NMU: variants seen among roughly 807,000 people sequenced by gnomAD.
NMU encodes neuromedin-U.
NMU carries 29 observed loss-of-function variants against 35.4 expected under a neutral mutation model. The ratio of observed to expected loss-of-function variants is 0.82; its 90% confidence interval spans 0.61 to 1.12. NMU has a LOEUF of 1.12. Among genes scored for constraint, NMU ranks in the 50% most tolerant of loss-of-function variants. NMU has a pLI of 0.00. For synonymous variants in NMU, 78 were observed against 81.3 expected (o/e 0.96, Z 0.22); for missense variants, 199 against 206.2 (o/e 0.97, Z 0.21).
rs1452920831 is a variant in NMU, at chr4:55,636,066, G to A, written c.112+15C>T. 2.6e-6 allele frequency: 4 copies of A among 1,531,258 alleles called. No individual in the cohort carries two copies. The highest frequency in any genetic ancestry group is 3.9e-5 in the Admixed American group (2 of 50,872). 94.9% of individuals were successfully genotyped at this position (1,531,258 alleles called of 1,614,324 possible). On this transcript the variant is annotated intron_variant, in intron 1 of 9. Transcript: ENST00000264218. The surrounding 1 kb of genome is among the most constrained non-coding windows in gnomAD (Gnocchi z 4.0). Reference sequence around the variant, plus strand: ...GCGCATGGCGTGGAAGCGGCCGGGTGCGGGGCCGTCTTACCTCGGCAGGCG... The same window carrying A: ...GCGCATGGCGTGGAAGCGGCCGGGTACGGGGCCGTCTTACCTCGGCAGGCG...
intron 7 of NMU, among the ~76,000 whole-genome samples, chr4:55,604,679 A>ATATTTTTTTTTT (rs1553909885): frequency 3.8e-4 from 18 of 47,616 alleles, no homozygotes; most frequent in African/African-American, 2.1e-3. Context: ...TGCCTGGCTA[A>ATATTTTTTTTTT]TTTTTTTTTT....
At chr4:55,626,187 G>A (rs1311584775) in intron 2 of NMU, among the ~76,000 whole-genome samples, 2 of 152,210 alleles carry the variant, frequency 1.3e-5, no homozygotes, top group African/African-American at 4.8e-5. Flanking sequence ...CTAATAGGTA[G>A]AAAGTGACAC....
intron 3 of NMU, among the ~76,000 whole-genome samples, chr4:55,616,036 ACTGCACC>A (rs1734099365): frequency 6.6e-6 from 1 of 152,226 alleles, no homozygotes; most frequent in South Asian, 2.1e-4. Context: ...GGCATGAGCC[ACTGCACC>A]CTGACAGATA....
chr4:55,618,745 TTCTCTTTCTTTCTTCTC>T (rs1436024446), intron 2 of NMU, among the ~76,000 whole-genome samples: 96 of 128,770 alleles, frequency 7.5e-4, no homozygotes, highest in African/African-American at 2.5e-3. Context: ...TTTCTTTTTC[TTCTCTTTCTTTCTTCTC>T]TCTCTTTCTT....
intron 2 of NMU, among the ~76,000 whole-genome samples, chr4:55,629,123 T>C (rs1286476657): frequency 6.6e-6 from 1 of 152,200 alleles, no homozygotes. Context: ...TTTTATTGCA[T>C]TATAACTGGA....
At chr4:55,617,193 G>C (rs1246809104) in intron 2 of NMU, among the ~76,000 whole-genome samples, 1 of 152,108 alleles carries the variant, frequency 6.6e-6, no homozygotes, top group Non-Finnish European at 1.5e-5. Context: ...TTCAGTACCA[G>C]AATTCTTTTT....
chr4:55,629,780 G>A lies in NMU; in HGVS notation c.171+622C>T, dbSNP rs117196464. 3.9e-4 allele frequency among the ~76,000 whole-genome samples: 60 copies of A among 152,198 alleles called. No individual in the cohort carries two copies. The East Asian group carries it at 0.01, about 25-fold the overall frequency. ...ATCTGCTTTAACTGTCAGTTTTTGA[G>A]ACAGGTGTATTAAACTCTCCAACTA... On this transcript the variant is annotated intron_variant, in intron 2 of 9. Coordinates refer to ENST00000264218, the MANE Select transcript of NMU (RefSeq NM_006681.4).
At chr4:55,598,213 T>G (rs1200590943) in intron 9 of NMU, among the ~76,000 whole-genome samples, 1 of 149,312 alleles carries the variant, frequency 6.7e-6, no homozygotes, top group Non-Finnish European at 1.5e-5. Context: ...CATCTCAGCC[T>G]CTGAAGTAGC....
intron 7 of NMU, among the ~76,000 whole-genome samples, chr4:55,605,027 A>G (rs935598679): frequency 2.0e-5 from 3 of 152,170 alleles, no homozygotes; most frequent in Non-Finnish European, 1.5e-5. Context: ...GGAAAACAGT[A>G]TAATTCCAGC....
chr4:55,601,808 G>C (rs1733438621), intron 7 of NMU, among the ~76,000 whole-genome samples: 1 of 151,764 alleles, frequency 6.6e-6, no homozygotes, highest in South Asian at 2.1e-4. Flanking sequence ...GCAACATAGA[G>C]AGACCTAGTC....
At chr4:55,613,069 C>T (rs888739988) in intron 3 of NMU, among the ~76,000 whole-genome samples, 1 of 152,048 alleles carries the variant, frequency 6.6e-6, no homozygotes, top group African/African-American at 2.4e-5. Flanking sequence ...AACCAAATAC[C>T]ACACGTTCTC....
At chr4:55,633,646 G>C (rs1715733943) in intron 1 of NMU, among the ~76,000 whole-genome samples, 1 of 152,146 alleles carries the variant, frequency 6.6e-6, no homozygotes, top group Non-Finnish European at 1.5e-5. Flanking sequence ...ATAATAACTT[G>C]TATATCCGTA....
Position 55,597,334 on chromosome 4 carries a change from TTTC to T in NMU, c.*4+1805_*4+1807del, listed in dbSNP as rs916699168. 1.9e-4 allele frequency among the ~76,000 whole-genome samples: 29 copies of T among 151,634 alleles called. 1 individual carries two copies. Among genetic ancestry groups the T allele is most frequent in the African/African-American group, 6.0e-4 (25 of 41,476 alleles). ...TATATTGTGGGTATAGTTTCTTTTT[TTTC>T]TTCTTCTTCTTCTTTTTGAGACAGA... On this transcript the variant is annotated intron_variant, in intron 9 of 9. Coordinates refer to ENST00000264218, the MANE Select transcript of NMU (RefSeq NM_006681.4).
At chr4:55,628,326 T>C (rs1734615259) in intron 2 of NMU, among the ~76,000 whole-genome samples, 2 of 152,122 alleles carry the variant, frequency 1.3e-5, no homozygotes, top group African/African-American at 4.8e-5. Context: ...ATCTCTATTT[T>C]TCTTGGGTTC....
chr4:55,613,394 C>A (rs1470443393), intron 3 of NMU, among the ~76,000 whole-genome samples: 1 of 151,962 alleles, frequency 6.6e-6, no homozygotes, highest in Non-Finnish European at 1.5e-5. Context: ...AGATTTGGAG[C>A]AAAGCAGTGA....
At chr4:55,617,791 T>A (rs1294239796) in intron 2 of NMU, among the ~76,000 whole-genome samples, 1 of 152,132 alleles carries the variant, frequency 6.6e-6, no homozygotes, top group Non-Finnish European at 1.5e-5. Flanking sequence ...TCTGAAGACA[T>A]TACCCACTCC....
At chr4:55,627,068 G>A (rs540649202) in intron 2 of NMU, among the ~76,000 whole-genome samples, 9 of 152,294 alleles carry the variant, frequency 5.9e-5, no homozygotes, top group Admixed American at 3.3e-4. Context: ...TCTGGCTGGC[G>A]CAAGCACAGG....
At chr4:55,616,829 A>C (rs1734123782) in intron 2 of NMU, among the ~76,000 whole-genome samples, 1 of 152,158 alleles carries the variant, frequency 6.6e-6, no homozygotes, top group South Asian at 2.1e-4. Context: ...ATACCAGAAA[A>C]ATTGTTCATA....
chr4:55,627,465 AG>A (rs1252768758), intron 2 of NMU, among the ~76,000 whole-genome samples: 1 of 151,800 alleles, frequency 6.6e-6, no homozygotes, highest in African/African-American at 2.4e-5. Flanking sequence ...TTAATTAATG[AG>A]GAAAATTGAT....
Sources: gnomAD v4.1 joint callset for allele counts (sites outside exome capture counted in the v4.1 genomes callset) on GRCh38, gnomAD v4.1.1 for gene constraint, Gnocchi (gnomAD v3.1) non-coding constraint, MANE v1.5 for transcripts, NCBI Gene and HGNC (gene_info 2026-07-23, HGNC 2026-07-21) for gene names.